FHL5: variants seen among roughly 807,000 people sequenced by gnomAD.
FHL5 encodes four and a half LIM domains protein 5.
A neutral mutation model predicts 32.0 loss-of-function variants in FHL5; 33 were observed. The ratio of observed to expected loss-of-function variants is 1.03; its 90% CI spans 0.78 to 1.38. The LOEUF is 1.38. FHL5 is among the 40% of genes most tolerant of loss of function. The probability of loss-of-function intolerance (pLI) is 0.00; values close to 1 mark genes in which losing one functional copy is unlikely to be tolerated. For synonymous variants in FHL5, 114 were observed against 113.6 expected (o/e 1.00, Z -0.02); for missense variants, 336 against 343.9 (o/e 0.98, Z 0.18).
At chr6:96,608,551 A>G (rs1771332441) in intron 4 of FHL5, among the ~76,000 whole-genome samples, 1 of 152,200 alleles carries the variant, frequency 6.6e-6, no homozygotes, top group Non-Finnish European at 1.5e-5. Context: ...TTTAAAATCC[A>G]TAGATTTTAT....
chr6:96,604,957 G>A (rs1771242010), intron 3 of FHL5, 33 bp downstream of exon 3: 1 of 1,523,384 alleles, frequency 6.6e-7, no homozygotes. Context: ...GTCTCTAACT[G>A]AAGCTGTGAT....
intron 1 of FHL5, among the ~76,000 whole-genome samples, chr6:96,588,219 C>CT (rs908588762): frequency 1.5e-4 from 23 of 151,528 alleles, no homozygotes; most frequent in Admixed American, 1.2e-3. Context: ...TTCTTTCTTT[C>CT]TTTTTTTTTG....
Position 96,615,734 on chromosome 6 carries a change from T to C in FHL5, c.817T>C (p.Cys273Arg), listed in dbSNP as rs1186918843. 1.1e-5 allele frequency: 17 copies of C among 1,611,694 alleles called. No homozygotes were observed. Among genetic ancestry groups the C allele is most frequent in the Non-Finnish European group, 1.4e-5 (16 of 1,178,976 alleles). ...CCTGACCCAGAACAAGGAAATCTTC[T>C]GCCAAAAATGTGGCTCCGGAATGGA... ...GFLTQNKEIF[C>R]QKCGSGMDTD... is the part of the protein sequence containing the mutation. The change falls in exon 6 of 6, where the codon TGC becomes CGC. Residue 273 changes from cysteine to arginine, a missense_variant. By Grantham distance (180) the Cys-to-Arg change is radical (BLOSUM62 -3). Coordinates refer to ENST00000450218, the MANE Select transcript of FHL5 (RefSeq NM_001322466.2).
At chr6:96,570,583 T>C (rs1374025453) in intron 1 of FHL5, among the ~76,000 whole-genome samples, 1 of 152,178 alleles carries the variant, frequency 6.6e-6, no homozygotes, top group Non-Finnish European at 1.5e-5. Context: ...AGGCTTTCTA[T>C]ACTTTTTCCT....
chr6:96,602,611 G>T, intron 1 of FHL5, among the ~76,000 whole-genome samples: 1 of 151,508 alleles, frequency 6.6e-6, no homozygotes, highest in African/African-American at 2.4e-5. Flanking sequence ...TTTCTTAATG[G>T]CTTTCCAAAT....
At chr6:96,562,930 C>T (rs1770277920), upstream of FHL5, among the ~76,000 whole-genome samples, 1 of 152,062 alleles carries the variant, frequency 6.6e-6, no homozygotes, top group Non-Finnish European at 1.5e-5. Flanking sequence ...TATAAATATG[C>T]CCTTAATTTA....
At chr6:96,584,456 TG>T (rs1770756901) in intron 1 of FHL5, among the ~76,000 whole-genome samples, 11 of 148,258 alleles carry the variant, frequency 7.4e-5, no homozygotes, top group African/African-American at 2.5e-4. Context: ...TGTGTGTGTG[TG>T]TGTTTGTGTG....
intron 1 of FHL5, among the ~76,000 whole-genome samples, chr6:96,579,788 T>C (rs1582461828): frequency 6.6e-6 from 1 of 152,110 alleles, no homozygotes; most frequent in Admixed American, 6.5e-5. Context: ...TGACAAACTC[T>C]TAGTGACAGG....
At chr6:96,605,880 TG>T (rs1452435845) in intron 3 of FHL5, 21 bp from the exon 4 acceptor site, 1 of 1,608,224 alleles carries the variant, frequency 6.2e-7, no homozygotes, top group Non-Finnish European at 8.5e-7. Flanking sequence ...TATACTAACA[TG>T]GCCTTACTTT....
rs930068396 is a variant in FHL5 at position 96,617,207 on chromosome 6, G to T, written c.*1435G>T. Among the ~76,000 whole-genome samples, 14 of 152,178 alleles carry T rather than the reference G, an allele frequency of 9.2e-5. No individual in the cohort carries two copies. Among genetic ancestry groups the T allele is most frequent in the Non-Finnish European group, 2.1e-4 (14 of 68,042 alleles). ...CTCTCCATGATCTGTTTTCACATTGGTTATAGCATCTCTTGGATGGAGTAG... is the reference window on the plus strand; with the variant it reads ...CTCTCCATGATCTGTTTTCACATTGTTTATAGCATCTCTTGGATGGAGTAG... On this transcript the variant is annotated 3_prime_UTR_variant, in exon 6 of 6. Transcript: ENST00000450218.
Position 96,596,190 on chromosome 6 carries a change from T to C in FHL5, c.-12-7412T>C, listed in dbSNP as rs550157168. Among the ~76,000 whole-genome samples, 155 of 152,214 alleles carry C rather than the reference T, an allele frequency of 1.0e-3. 1 individual carries two copies. The highest frequency in any genetic ancestry group is 1.8e-3 in the Non-Finnish European group (121 of 67,960). On this transcript the variant is annotated intron_variant, in intron 1 of 5. Transcript: ENST00000450218. ...GGTCATCATGGCTCAGAAGACATCC[T>C]CAGGACAAATGGCTCCTTTAGAGAG...
intron 5 of FHL5, among the ~76,000 whole-genome samples, chr6:96,612,084 C>A (rs1439685313): frequency 1.3e-5 from 2 of 152,164 alleles, no homozygotes; most frequent in Non-Finnish European, 2.9e-5. Context: ...GTCCCTTGCA[C>A]CCTGTCTGCA....
At chr6:96,588,850 TTAAA>T (rs201234328) in intron 1 of FHL5, among the ~76,000 whole-genome samples, 3,958 of 151,904 alleles carry the variant, frequency 0.026, 55 homozygotes, top group Non-Finnish European at 0.031. Context: ...TTTTCATTCT[TTAAA>T]TAGTGTCTCT....
chr6:96,584,356 G>A (rs1443209803), intron 1 of FHL5, among the ~76,000 whole-genome samples: 1 of 151,986 alleles, frequency 6.6e-6, no homozygotes, highest in East Asian at 1.9e-4. Context: ...AGTCATGTGT[G>A]ACAACTGAAA....
intron 1 of FHL5, among the ~76,000 whole-genome samples, chr6:96,569,698 A>T (rs943228781): frequency 1.4e-4 from 22 of 151,748 alleles, no homozygotes; most frequent in Non-Finnish European, 2.9e-4. Flanking sequence ...GCTTTACCTG[A>T]TATAAGTATA....
At chr6:96,592,417 T>C (rs1211858906) in intron 1 of FHL5, among the ~76,000 whole-genome samples, 6 of 152,206 alleles carry the variant, frequency 3.9e-5, no homozygotes, top group Non-Finnish European at 8.8e-5. Flanking sequence ...TCTTATTCCC[T>C]TGAACATTGC....
chr6:96,602,426 CTTTTTTTTTTTT>C (rs1168636713), intron 1 of FHL5, among the ~76,000 whole-genome samples: 11 of 33,682 alleles, frequency 3.3e-4, no homozygotes, highest in East Asian at 1.2e-3. Context: ...TGCGTTGTTT[CTTTTTTTTTTTT>C]TTTTTTTTTT....
At chr6:96,606,243 T>C (rs930636581) in intron 4 of FHL5, among the ~76,000 whole-genome samples, 172 bp downstream of exon 4, 4 of 151,974 alleles carry the variant, frequency 2.6e-5, no homozygotes, top group African/African-American at 9.7e-5. Context: ...AGCATGACCA[T>C]CTTTTTTTTT....
chr6:96,571,147 TAAAG>T (rs139930467), intron 1 of FHL5, among the ~76,000 whole-genome samples: 1,771 of 152,274 alleles, frequency 0.012, 52 homozygotes, highest in African/African-American at 0.041. Flanking sequence ...GTGATTTTCA[TAAAG>T]AAAGTCTTTC....
Sources: gnomAD v4.1 joint callset for allele counts (sites outside exome capture counted in the v4.1 genomes callset) on GRCh38, gnomAD v4.1.1 for gene constraint, MANE v1.5 for transcripts, NCBI Gene and HGNC (gene_info 2026-07-23, HGNC 2026-07-21) for gene names.